The following CLASP1 variants were observed in gnomAD, a reference collection of about 807,000 sequenced individuals.
CLASP1 encodes cytoplasmic linker associated protein 1.
In CLASP1, 38 loss-of-function variants were observed where a neutral mutation model predicts 192.3. The observed-to-expected ratio is 0.20, with a 90% CI of 0.15 to 0.26. The LOEUF is 0.26. Ranked by LOEUF, CLASP1 falls within the 10% of genes least tolerant of loss-of-function variation. CLASP1 has a pLI of 1.00. For missense variants in CLASP1, 1,433 were observed against 1,932.5 expected, an observed-to-expected ratio of 0.74 and a Z score of 4.85; for synonymous variants, 691 against 712.8, an observed-to-expected ratio of 0.97 and a Z score of 0.49.
At chr2:121,427,556 A>G (rs2080652444) in intron 20 of CLASP1, 126 bp from the exon 21 acceptor site, 4 of 927,790 alleles carry the variant, frequency 4.3e-6, no homozygotes, top group East Asian at 2.6e-5. Context: ...CAAAACAGCT[A>G]TATTTCCTAG....
intron 2 of CLASP1, among the ~76,000 whole-genome samples, chr2:121,552,497 G>A (rs779301331): frequency 2.6e-4 from 40 of 151,928 alleles, no homozygotes; most frequent in Non-Finnish European, 4.7e-4. Context: ...ATTTACAAGA[G>A]AAAAAACAAC....
chr2:121,423,995 C>A (rs1295307987), intron 22 of CLASP1, among the ~76,000 whole-genome samples: 1 of 152,176 alleles, frequency 6.6e-6, no homozygotes, highest in Non-Finnish European at 1.5e-5. Flanking sequence ...CATGTGGCTG[C>A]CTCTTGCCTG....
intron 2 of CLASP1, among the ~76,000 whole-genome samples, chr2:121,598,487 T>C (rs1310763331): frequency 6.6e-6 from 1 of 152,230 alleles, no homozygotes; most frequent in African/African-American, 2.4e-5. Context: ...TCAAAGAGCA[T>C]ATGGTCTCAC....
intron 2 of CLASP1, among the ~76,000 whole-genome samples, chr2:121,552,371 C>A (rs2058117480): frequency 6.6e-6 from 1 of 152,126 alleles, no homozygotes; most frequent in South Asian, 2.1e-4. Flanking sequence ...AGCTTCTGCA[C>A]AGCAAAAGAA....
intron 14 of CLASP1, among the ~76,000 whole-genome samples, chr2:121,455,530 T>C (rs969723067): frequency 2.0e-5 from 3 of 152,156 alleles, no homozygotes; most frequent in African/African-American, 7.2e-5. Flanking sequence ...GAAAATATTA[T>C]CTTAAATGAA....
At chr2:121,594,932 C>CAT (rs34629291) in intron 2 of CLASP1, among the ~76,000 whole-genome samples, 34,961 of 151,950 alleles carry the variant, frequency 0.23, 6,021 homozygotes, top group African/African-American at 0.48. Context: ...GAGGTTTTCA[C>CAT]ATGTCTGAAT....
At chr2:121,420,815 T>C (rs552462434) in intron 22 of CLASP1, among the ~76,000 whole-genome samples, 82 of 152,246 alleles carry the variant, frequency 5.4e-4, no homozygotes, top group Middle Eastern at 3.2e-3. Context: ...CTTAAATTCA[T>C]ATACATGCTA....
intron 34 of CLASP1, among the ~76,000 whole-genome samples, chr2:121,370,336 T>C (rs1444186216): frequency 2.6e-5 from 4 of 152,218 alleles, no homozygotes; most frequent in Admixed American, 2.0e-4. Flanking sequence ...TTCTTTCTTT[T>C]TTTTTGAGAC....
At chr2:121,580,962 G>A (rs915103418) in intron 2 of CLASP1, among the ~76,000 whole-genome samples, 1 of 152,142 alleles carries the variant, frequency 6.6e-6, no homozygotes, top group African/African-American at 2.4e-5. Context: ...AAACCACTTA[G>A]AAATTAAAGG....
At chr2:121,566,321 T>C (rs549181510) in intron 2 of CLASP1, among the ~76,000 whole-genome samples, 2 of 152,348 alleles carry the variant, frequency 1.3e-5, no homozygotes, top group South Asian at 4.1e-4. Flanking sequence ...CCCATGTTTA[T>C]AAATCCTGTA....
intron 8 of CLASP1, among the ~76,000 whole-genome samples, chr2:121,470,975 T>A (rs914582486): frequency 6.6e-5 from 10 of 152,182 alleles, no homozygotes; most frequent in African/African-American, 2.4e-4. Context: ...CAGCAGTGGA[T>A]CCAATCAATA....
chr2:121,632,857 T>C (rs772214356), intron 1 of CLASP1, among the ~76,000 whole-genome samples: 4 of 150,910 alleles, frequency 2.7e-5, no homozygotes, highest in East Asian at 1.9e-4. Flanking sequence ...GATTGCGCCA[T>C]TGCACTCTAG....
At chr2:121,602,184 A>AC (rs1486800950) in intron 2 of CLASP1, among the ~76,000 whole-genome samples, 1 of 151,940 alleles carries the variant, frequency 6.6e-6, no homozygotes, top group African/African-American at 2.4e-5. Context: ...CAAAAAAAAA[A>AC]AAAGAAGAAG....
At chr2:121,531,141 TTTGCGGTGATTAAACGGG>T in intron 2 of CLASP1, 1 of 612,546 alleles carries the variant, frequency 1.6e-6, no homozygotes, top group Non-Finnish European at 3.0e-6. Context: ...TCTTTCAGTT[TTTGCGGTGATTAAACGGG>T]AAGGATTTCA....
intron 30 of CLASP1, among the ~76,000 whole-genome samples, chr2:121,388,725 C>CA (rs952104959): frequency 1.3e-5 from 2 of 151,196 alleles, no homozygotes; most frequent in Admixed American, 1.3e-4. Flanking sequence ...AAAGCTAAGC[C>CA]AAAAAAAATT....
In CLASP1 at chr2:121,348,599, G is replaced by A. The variant is rs756514711; in HGVS notation, c.4326C>T (p.Ala1442=). Residue 1442 remains alanine, a synonymous_variant, in exon 38 of 40, where the codon GCC becomes GCT. Transcript: ENST00000263710. ...CGACGACTTTGGTCTGCATCTTGAT[G>A]GCAGCAAGGTTGATGGGGTAGTCGG... 1.7e-5 allele frequency: 28 copies of A among 1,613,920 alleles called. No homozygotes were observed. In the South Asian group the frequency reaches 2.5e-4, roughly 15 times the overall value.
chr2:121,582,293 GAA>G (rs1183105590), intron 2 of CLASP1, among the ~76,000 whole-genome samples: 1 of 150,616 alleles, frequency 6.6e-6, no homozygotes, highest in African/African-American at 2.4e-5. Context: ...GAGAGAGAGA[GAA>G]AGAGAAAGGG....
chr2:121,492,138 C>T (rs2093336024), intron 8 of CLASP1, among the ~76,000 whole-genome samples: 1 of 152,008 alleles, frequency 6.6e-6, no homozygotes, highest in African/African-American at 2.4e-5. Context: ...GCCTGTAATC[C>T]CAGCACTTTG....
chr2:121,522,870 C>A (rs1326577869), intron 6 of CLASP1, among the ~76,000 whole-genome samples: 1 of 152,190 alleles, frequency 6.6e-6, no homozygotes, highest in Non-Finnish European at 1.5e-5. Context: ...CTGAGTTTCT[C>A]AGAAACCCAC....
Sources: allele counts gnomAD v4.1 joint callset (sites outside exome capture counted in the v4.1 genomes callset), GRCh38; gene constraint gnomAD v4.1.1; transcripts MANE v1.5; gene names NCBI Gene and HGNC (gene_info 2026-07-23, HGNC 2026-07-21).